CNNM2: variants seen among roughly 807,000 people sequenced by gnomAD.
CNNM2 encodes metal transporter CNNM2.
CNNM2 carries 12 observed loss-of-function variants against 66.9 expected under a neutral mutation model. That is an observed-to-expected ratio of 0.18 (90% CI 0.11 to 0.29). The LOEUF is 0.29. Among genes scored for constraint, CNNM2 ranks in the 10% least tolerant of loss-of-function variants. The probability of loss-of-function intolerance (pLI) is 1.00; values close to 1 mark genes in which losing one functional copy is unlikely to be tolerated. For missense variants in CNNM2, 705 were observed against 1,167.7 expected (o/e 0.60, Z 5.77); for synonymous variants, 557 against 501.8 (o/e 1.11, Z -1.47).
chr10:102,918,555 G>T lies in CNNM2; in HGVS notation c.75G>T (p.Trp25Cys), dbSNP rs1465392632. 2.5e-6 allele frequency: 4 copies of T among 1,593,726 alleles called. No individual in the cohort carries two copies. Among genetic ancestry groups the T allele is most frequent in the Non-Finnish European group, 3.4e-6 (4 of 1,173,342 alleles). ...AGGCAGCCGCCGCACTGCCCACTTGGAAGATGGCGGCGCGCCGCAGCCTCA... is the reference window on the plus strand; with the variant it reads ...AGGCAGCCGCCGCACTGCCCACTTGTAAGATGGCGGCGCGCCGCAGCCTCA... ...GGQAAAALPT[W>C]KMAARRSLSA... Residue 25 changes from tryptophan to cysteine, a missense_variant, in exon 1 of 8, where the codon TGG becomes TGT. Trp to Cys is a radical substitution (Grantham distance 215). Coordinates refer to ENST00000369878, the MANE Select transcript of CNNM2 (RefSeq NM_017649.5). This position sits in a 1 kb window ranked among gnomAD's most constrained non-coding sequence, Gnocchi z 4.1.
At chr10:102,934,311 G>A (rs1313868970) in intron 1 of CNNM2, among the ~76,000 whole-genome samples, 1 of 131,996 alleles carries the variant, frequency 7.6e-6, no homozygotes, top group Non-Finnish European at 1.6e-5. Flanking sequence ...GCCTTGCTCT[G>A]TCGCCCAGGC....
rs17115213 is a variant in CNNM2, at chr10:102,921,386, A to G, written c.1621+1285A>G. Among the ~76,000 whole-genome samples, 13,854 of 152,252 alleles carry G rather than the reference A, an allele frequency of 0.091. 850 individuals carry two copies. The highest frequency in any genetic ancestry group is 0.28 in the East Asian group (1,440 of 5,172). On this transcript the variant is annotated intron_variant, in intron 1 of 7. Coordinates refer to ENST00000369878, the MANE Select transcript of CNNM2 (RefSeq NM_017649.5). ...GCTCACTGGATGTGATGATCTGAAC[A>G]TACTCAAAGAGTGTATGGTTGTCCT... is the stretch of plus-strand genomic sequence containing the variant.
chr10:102,948,144 C>A (rs1255253094), intron 1 of CNNM2, among the ~76,000 whole-genome samples: 2 of 152,176 alleles, frequency 1.3e-5, no homozygotes, highest in Admixed American at 6.6e-5. Flanking sequence ...AAGATCACTT[C>A]TTTCTTGAAA....
At chr10:103,036,647 G>A (rs1174166117) in intron 1 of CNNM2, among the ~76,000 whole-genome samples, 1 of 152,188 alleles carries the variant, frequency 6.6e-6, no homozygotes, top group Non-Finnish European at 1.5e-5. Flanking sequence ...ACTACCTGCT[G>A]TATACCTCAC....
At chr10:103,013,487 A>G (rs1031271933) in intron 1 of CNNM2, among the ~76,000 whole-genome samples, 4 of 152,100 alleles carry the variant, frequency 2.6e-5, no homozygotes, top group Admixed American at 1.3e-4. Flanking sequence ...GGGTTAAAGC[A>G]TTTTGCTTTA....
At chr10:103,004,784 T>C (rs536735306) in intron 1 of CNNM2, among the ~76,000 whole-genome samples, 1 of 152,370 alleles carries the variant, frequency 6.6e-6, no homozygotes, top group South Asian at 2.1e-4. Flanking sequence ...ACATATCTTC[T>C]TCTAGATCGT....
chr10:102,993,384 G>C (rs972380542), intron 1 of CNNM2, among the ~76,000 whole-genome samples: 1 of 152,174 alleles, frequency 6.6e-6, no homozygotes, highest in African/African-American at 2.4e-5. Context: ...TGTGACTTAG[G>C]AGAGGTAAGT....
chr10:103,035,774 TA>T (rs1340231221), intron 1 of CNNM2, among the ~76,000 whole-genome samples: 1 of 152,120 alleles, frequency 6.6e-6, no homozygotes, highest in Non-Finnish European at 1.5e-5. Flanking sequence ...AATCCTAACT[TA>T]GGGGAGAGGG....
chr10:102,958,756 C>T (rs2134201165), intron 1 of CNNM2, among the ~76,000 whole-genome samples: 1 of 152,096 alleles, frequency 6.6e-6, no homozygotes, highest in East Asian at 1.9e-4. Context: ...AGGTGTGAGC[C>T]ACTGTGCCTG....
intron 1 of CNNM2, among the ~76,000 whole-genome samples, chr10:102,942,512 G>C (rs1293199596): frequency 6.6e-6 from 1 of 152,138 alleles, no homozygotes; most frequent in East Asian, 1.9e-4. Flanking sequence ...CTTTCTTAAG[G>C]CTGAATTATG....
rs1302621402 is a variant in CNNM2, at chr10:103,078,016, G to GC, written c.*839dup. On this transcript the variant is annotated 3_prime_UTR_variant, in exon 8 of 8. Coordinates refer to ENST00000369878, the MANE Select transcript of CNNM2 (RefSeq NM_017649.5). ...ATTCCAGCCTGGGGTCTGCCAGCCA[G>GC]CCCTCCTCCCCGACCCAGCGCCTAA... 1 of 152,654 alleles carries GC rather than the reference G, an allele frequency of 6.6e-6. No homozygotes were observed. Among genetic ancestry groups the GC allele is most frequent in the Admixed American group, 6.5e-5 (1 of 15,268 alleles). The allele number at this position is 152,654 out of a possible 1,614,324, so 9.5% of individuals were successfully genotyped here.
chr10:102,923,914 C>T (rs144552123), intron 1 of CNNM2, among the ~76,000 whole-genome samples: 79 of 152,318 alleles, frequency 5.2e-4, no homozygotes, highest in African/African-American at 1.9e-3. Context: ...GCAAGGGTCA[C>T]ATAGTAATTG....
At chr10:103,061,032 G>C (rs1008281773) in intron 4 of CNNM2, among the ~76,000 whole-genome samples, 1 of 152,022 alleles carries the variant, frequency 6.6e-6, no homozygotes, top group African/African-American at 2.4e-5. Flanking sequence ...TACTTAAAAA[G>C]AAAATAGAAC....
chr10:102,946,363 C>T (rs774086693), intron 1 of CNNM2, among the ~76,000 whole-genome samples: 7 of 152,098 alleles, frequency 4.6e-5, no homozygotes, highest in African/African-American at 7.2e-5. Context: ...CTTTGCCCTA[C>T]ATTTAATGTA....
At chr10:103,048,708 C>G (rs1039183934) in intron 1 of CNNM2, among the ~76,000 whole-genome samples, 2 of 152,166 alleles carry the variant, frequency 1.3e-5, no homozygotes, top group African/African-American at 4.8e-5. Context: ...GTCCAACTTG[C>G]AAGTCAATCA....
intron 2 of CNNM2, among the ~76,000 whole-genome samples, chr10:103,052,794 G>A (rs1042316623): frequency 3.3e-5 from 5 of 152,150 alleles, no homozygotes; most frequent in South Asian, 2.1e-4. Flanking sequence ...GATTATAGGC[G>A]TCACCGTGCC....
intron 1 of CNNM2, among the ~76,000 whole-genome samples, chr10:102,959,093 C>A (rs1307885280): frequency 2.0e-5 from 3 of 151,958 alleles, no homozygotes; most frequent in Non-Finnish European, 4.4e-5. Flanking sequence ...GATCACCACA[C>A]CTGGCTAATT....
chr10:102,970,256 C>T (rs548804118), intron 1 of CNNM2, among the ~76,000 whole-genome samples: 1 of 152,310 alleles, frequency 6.6e-6, no homozygotes, highest in South Asian at 2.1e-4. Context: ...TTTGAGGCTG[C>T]AGTAGCCATG....
chr10:103,037,582 T>TG (rs2064965123), intron 1 of CNNM2, among the ~76,000 whole-genome samples: 1 of 152,284 alleles, frequency 6.6e-6, no homozygotes, highest in South Asian at 2.1e-4. Flanking sequence ...GTCTTCTCTC[T>TG]GTAATGATGA....
Sources: allele counts gnomAD v4.1 joint callset (sites outside exome capture counted in the v4.1 genomes callset), GRCh38; gene constraint gnomAD v4.1.1; non-coding constraint Gnocchi (gnomAD v3.1); transcripts MANE v1.5; gene names NCBI Gene and HGNC (gene_info 2026-07-23, HGNC 2026-07-21).